Variants in STAM2 observed in about 807,000 individuals in gnomAD.
STAM2 encodes the protein signal transducing adapter molecule 2.
STAM2 carries 51 observed loss-of-function variants against 65.6 expected under a neutral mutation model. The ratio of observed to expected loss-of-function variants is 0.78; its 90% CI spans 0.62 to 0.98. STAM2 has a LOEUF of 0.98. STAM2 is among the 50% of genes least tolerant of loss of function. The pLI, the probability that STAM2 is intolerant of heterozygous loss-of-function variation, is 0.00. For missense variants in STAM2, 584 were observed against 617.8 expected, an observed-to-expected ratio of 0.95 and a Z score of 0.58; for synonymous variants, 198 against 208.4, an observed-to-expected ratio of 0.95 and a Z score of 0.43.
At position 152,120,769 on chromosome 2, in the gene STAM2, A is replaced by G. The variant is rs1423244470; in HGVS notation, c.1383T>C (p.Tyr461=). ...ACTGTAGGTTAGAGTTCTGGTTCAT[A>G]TAAGTAGGATTGGAAACAGTGTCTT... ...TGQDTVSNPT[Y]MNQNSNLQSA... The change falls in exon 14 of 14, where the codon TAT becomes TAC. Residue 461 remains tyrosine (Y), a synonymous_variant. Coordinates refer to ENST00000263904, the MANE Select transcript of STAM2 (RefSeq NM_005843.6). The G allele has an allele frequency of 5.6e-6, 9 of 1,614,088 alleles. No homozygotes were observed. The highest frequency in any genetic ancestry group is 1.1e-5 in the South Asian group (1 of 91,088).
intron 1 of STAM2, among the ~76,000 whole-genome samples, chr2:152,171,633 T>TC (rs1560226946): frequency 6.6e-6 from 1 of 152,236 alleles, no homozygotes; most frequent in African/African-American, 2.4e-5. Flanking sequence ...GTCAACTTCT[T>TC]CTAACACAGC....
intron 1 of STAM2, among the ~76,000 whole-genome samples, chr2:152,158,885 G>A (rs974710168): frequency 2.6e-5 from 4 of 151,562 alleles, no homozygotes; most frequent in Admixed American, 6.6e-5. Flanking sequence ...CTCTCATGAC[G>A]TAAACACTTC....
chr2:152,155,795 C>T (rs992596770), intron 1 of STAM2, among the ~76,000 whole-genome samples: 5 of 152,150 alleles, frequency 3.3e-5, no homozygotes, highest in African/African-American at 1.2e-4. Flanking sequence ...TATTATTCCC[C>T]TTTCACATGT....
chr2:152,125,534 G>A (rs1299586839), intron 12 of STAM2, among the ~76,000 whole-genome samples: 1 of 152,074 alleles, frequency 6.6e-6, no homozygotes, highest in African/African-American at 2.4e-5. Flanking sequence ...TCCGAATGGG[G>A]ATACTGACAA....
chr2:152,153,727 T>A (rs1689488086), intron 1 of STAM2, among the ~76,000 whole-genome samples: 1 of 152,190 alleles, frequency 6.6e-6, no homozygotes, highest in South Asian at 2.1e-4. Context: ...GAGCAGACTA[T>A]ACTGTTTTAG....
At chr2:152,135,627 T>C in intron 7 of STAM2, 24 bp from the exon 8 acceptor site, 3 of 1,462,690 alleles carry the variant, frequency 2.1e-6, no homozygotes, top group Middle Eastern at 1.7e-4. Flanking sequence ...GCAAAAAATA[T>C]CATTTGTTCC....
chr2:152,136,698 A>T (rs1196244899), intron 7 of STAM2, among the ~76,000 whole-genome samples: 1 of 152,070 alleles, frequency 6.6e-6, no homozygotes, highest in Non-Finnish European at 1.5e-5. Flanking sequence ...ATTCCTTTTA[A>T]ATTAAAATTC....
intron 5 of STAM2, 23 bp downstream of exon 5, chr2:152,147,139 A>T (rs766840571): frequency 2.1e-5 from 34 of 1,584,750 alleles, no homozygotes; most frequent in Non-Finnish European, 2.9e-5. Flanking sequence ...AGGGTCAACC[A>T]TGGGTCTGAA....
At chr2:152,143,030 A>C (rs565204674) in intron 7 of STAM2, among the ~76,000 whole-genome samples, 2 of 152,266 alleles carry the variant, frequency 1.3e-5, no homozygotes, top group East Asian at 3.9e-4. Context: ...CCTTCCATAC[A>C]ATTGTCTATA....
At chr2:152,144,123 A>T in intron 6 of STAM2, 110 bp from the exon 7 acceptor site, 71 of 639,036 alleles carry the variant, frequency 1.1e-4, no homozygotes, top group East Asian at 2.5e-4. Flanking sequence ...TATTTGTCTA[A>T]TTACATGCTA....
intron 8 of STAM2, among the ~76,000 whole-genome samples, chr2:152,135,195 A>G (rs1360755685): frequency 6.6e-6 from 1 of 152,214 alleles, no homozygotes; most frequent in South Asian, 2.1e-4. Flanking sequence ...TACAGAATAG[A>G]TATGAACTGC....
At chr2:152,129,444 C>G (rs929203201) in intron 11 of STAM2, among the ~76,000 whole-genome samples, 1 of 152,242 alleles carries the variant, frequency 6.6e-6, no homozygotes, top group Non-Finnish European at 1.5e-5. Flanking sequence ...AGCCCCCACA[C>G]TGGCCTCAAT....
intron 1 of STAM2, among the ~76,000 whole-genome samples, chr2:152,171,991 C>A (rs980952270): frequency 6.6e-6 from 1 of 152,196 alleles, no homozygotes; most frequent in Non-Finnish European, 1.5e-5. Flanking sequence ...TCTGTTAACA[C>A]TAACCACTGT....
At chr2:152,151,754 AGAAC>A (rs1296537820) in intron 1 of STAM2, among the ~76,000 whole-genome samples, 2 of 152,230 alleles carry the variant, frequency 1.3e-5, no homozygotes, top group African/African-American at 4.8e-5. Flanking sequence ...TCATATAAAT[AGAAC>A]CACACAATAT....
chr2:152,118,422 G>T lies in STAM2; in HGVS notation c.*2152C>A. 6.8e-6 allele frequency: 1 copy of T among 146,432 alleles called. No homozygotes were observed. The allele number at this position is 146,432 out of a possible 1,614,324, so 9.1% of individuals were successfully genotyped here. On this transcript the variant is annotated 3_prime_UTR_variant, in exon 14 of 14. Coordinates refer to ENST00000263904, the MANE Select transcript of STAM2 (RefSeq NM_005843.6). ...ACTTCTGCACATATAAACTTTCACCGATGTGCCAATATATACTATATATTT... is the reference window on the plus strand; with the variant it reads ...ACTTCTGCACATATAAACTTTCACCTATGTGCCAATATATACTATATATTT...
At chr2:152,168,591 C>T (rs10497096) in intron 1 of STAM2, among the ~76,000 whole-genome samples, 16,032 of 152,186 alleles carry the variant, frequency 0.11, 1,643 homozygotes, top group East Asian at 0.58. Flanking sequence ...CTCTTCTTGA[C>T]TTACTTACAA....
intron 1 of STAM2, among the ~76,000 whole-genome samples, chr2:152,162,807 AT>A (rs11424941): frequency 1.4e-3 from 206 of 145,410 alleles, no homozygotes; most frequent in Middle Eastern, 3.5e-3. Context: ...TGCCTGGGTA[AT>A]TTTTTTTTTT....
intron 11 of STAM2, among the ~76,000 whole-genome samples, chr2:152,128,008 A>T (rs1461253289): frequency 6.6e-6 from 1 of 152,148 alleles, no homozygotes; most frequent in Non-Finnish European, 1.5e-5. Context: ...TCCTATCAAG[A>T]TTTGTCACTT....
chr2:152,159,168 T>C (rs1376324781), intron 1 of STAM2, among the ~76,000 whole-genome samples: 3 of 148,526 alleles, frequency 2.0e-5, no homozygotes, highest in South Asian at 2.2e-4. Context: ...CTGGGCACCA[T>C]GGTGGTGCAC....
Sources: allele counts gnomAD v4.1 joint callset (sites outside exome capture counted in the v4.1 genomes callset), GRCh38; gene constraint gnomAD v4.1.1; transcripts MANE v1.5; gene names NCBI Gene and HGNC (gene_info 2026-07-23, HGNC 2026-07-21).